The following COG5 variants were observed in gnomAD, a reference collection of about 807,000 sequenced individuals.
The protein encoded by COG5 is conserved oligomeric Golgi complex subunit 5.
A neutral mutation model predicts 110.4 loss-of-function variants in COG5; 86 were observed. The ratio of observed to expected loss-of-function variants is 0.78; its 90% CI spans 0.65 to 0.93. The LOEUF (loss-of-function observed/expected upper bound fraction) is 0.93, where lower values mean the gene tolerates loss of function less well. Among genes scored for constraint, COG5 ranks in the 40% least tolerant of loss-of-function variants. The pLI, the probability that COG5 is intolerant of heterozygous loss-of-function variation, is 0.00. For missense variants in COG5, 1,077 were observed against 987.0 expected (o/e 1.09, Z -1.22); for synonymous variants, 360 against 334.6 (o/e 1.08, Z -0.83).
At chr7:107,397,363 C>G (rs1791091769) in intron 7 of COG5, among the ~76,000 whole-genome samples, 1 of 152,136 alleles carries the variant, frequency 6.6e-6, no homozygotes, top group Non-Finnish European at 1.5e-5. Flanking sequence ...AAAAGAAAGG[C>G]CTGAATCCTT....
At chr7:107,273,074 A>G (rs1014064695) in intron 14 of COG5, among the ~76,000 whole-genome samples, 1 of 152,138 alleles carries the variant, frequency 6.6e-6, no homozygotes, top group Non-Finnish European at 1.5e-5. Flanking sequence ...CCCATTAATC[A>G]TGCCTCCCTT....
intron 10 of COG5, among the ~76,000 whole-genome samples, chr7:107,353,387 T>G (rs1174531880): frequency 7.6e-6 from 1 of 131,810 alleles, no homozygotes; most frequent in East Asian, 2.2e-4. Flanking sequence ...ATCCCGCCAC[T>G]GCACTCCAGC....
intron 2 of COG5, among the ~76,000 whole-genome samples, chr7:107,554,881 G>T (rs1803193777): frequency 6.6e-6 from 1 of 152,150 alleles, no homozygotes; most frequent in Non-Finnish European, 1.5e-5. Flanking sequence ...ACATATGAAT[G>T]TTAGGGGAAC....
intron 10 of COG5, among the ~76,000 whole-genome samples, chr7:107,357,057 T>C (rs1016085175): frequency 6.6e-6 from 1 of 152,170 alleles, no homozygotes; most frequent in African/African-American, 2.4e-5. Context: ...ATAAGCATTA[T>C]TATTTAGGGT....
chr7:107,506,518 G>C (rs1799018357), intron 6 of COG5, among the ~76,000 whole-genome samples: 1 of 152,164 alleles, frequency 6.6e-6, no homozygotes, highest in Non-Finnish European at 1.5e-5. Flanking sequence ...TTCCAGAGAG[G>C]TGTATTAACT....
At chr7:107,541,832 G>A (rs1168560292) in intron 5 of COG5, among the ~76,000 whole-genome samples, 1 of 151,194 alleles carries the variant, frequency 6.6e-6, no homozygotes, top group East Asian at 2.0e-4. Flanking sequence ...TCAGGAGGCT[G>A]AGGCAGAAGA....
chr7:107,288,583 T>A (rs1012687600), intron 12 of COG5, among the ~76,000 whole-genome samples: 1 of 152,118 alleles, frequency 6.6e-6, no homozygotes, highest in African/African-American at 2.4e-5. Context: ...TTCATGTGCT[T>A]ATTGGTCATC....
chr7:107,535,716 T>G (rs1458867375), intron 5 of COG5, among the ~76,000 whole-genome samples: 1 of 152,172 alleles, frequency 6.6e-6, no homozygotes, highest in Non-Finnish European at 1.5e-5. Flanking sequence ...ACAGCTGAAT[T>G]CTACTAGAGG....
chr7:107,312,294 C>T (rs994457803), intron 11 of COG5, among the ~76,000 whole-genome samples: 1 of 152,082 alleles, frequency 6.6e-6, no homozygotes, highest in African/African-American at 2.4e-5. Flanking sequence ...CTCAACAGAA[C>T]GTTATTTACT....
chr7:107,302,291 A>T (rs563148617), intron 11 of COG5, among the ~76,000 whole-genome samples: 9 of 152,206 alleles, frequency 5.9e-5, no homozygotes, highest in Non-Finnish European at 1.3e-4. Flanking sequence ...ATGCTAAATC[A>T]TTCAATTTGT....
chr7:107,420,594 G>C (rs1793215154), intron 6 of COG5, among the ~76,000 whole-genome samples: 1 of 152,146 alleles, frequency 6.6e-6, no homozygotes, highest in African/African-American at 2.4e-5. Context: ...CTGAGTAGCT[G>C]GGACTACAGG....
chr7:107,233,579 T>C (rs558039841), intron 18 of COG5, among the ~76,000 whole-genome samples: 2 of 152,330 alleles, frequency 1.3e-5, no homozygotes, highest in African/African-American at 4.8e-5. Flanking sequence ...ATAACTAGTA[T>C]TCCCAAACCT....
At chr7:107,402,447 A>G (rs1279190505) in intron 7 of COG5, among the ~76,000 whole-genome samples, 2 of 152,182 alleles carry the variant, frequency 1.3e-5, no homozygotes, top group African/African-American at 2.4e-5. Flanking sequence ...AAAGCTTCTA[A>G]TTCACAAGGT....
intron 11 of COG5, among the ~76,000 whole-genome samples, chr7:107,302,828 A>G (rs1414784305): frequency 2.0e-5 from 3 of 152,194 alleles, no homozygotes; most frequent in Non-Finnish European, 2.9e-5. Context: ...CTGTACATGC[A>G]CCATCCACAT....
chr7:107,474,500 C>A lies in COG5; in HGVS notation c.538+52737G>T. On this transcript the variant is annotated intron_variant, in intron 6 of 21. Coordinates refer to ENST00000297135, the MANE Select transcript of COG5 (RefSeq NM_006348.5). This position sits in a 1 kb window ranked among gnomAD's most constrained non-coding sequence, Gnocchi z 5.7. Reference sequence around the variant, plus strand: ...GACAGATATGACATCTCTGTAAAACCTGCAAACCGAATTCTGACAATGGGC... The same window carrying A: ...GACAGATATGACATCTCTGTAAAACATGCAAACCGAATTCTGACAATGGGC... 1.2e-6 allele frequency: 2 copies of A among 1,613,040 alleles called. No homozygotes were observed. The highest frequency in any genetic ancestry group is 1.7e-6 in the Non-Finnish European group (2 of 1,179,354).
At position 107,208,420 on chromosome 7, in the gene COG5, C is replaced by A. The variant is rs145546116; in HGVS notation, c.2375+2106G>T. On this transcript the variant is annotated intron_variant, in intron 21 of 21. Transcript: ENST00000297135. ...GCAGGACAACTGTTTTGGATGAACT[C>A]ATTCCAACTTGTTAAGACGACAAAA... 2.8e-5 allele frequency: 28 copies of A among 985,424 alleles called. No homozygotes were observed. The East Asian group carries it at 2.4e-3, about 84-fold the overall frequency. 61.0% of individuals were successfully genotyped at this position (985,424 alleles called of 1,614,324 possible).
chr7:107,457,108 A>C (rs1795709657), intron 6 of COG5, among the ~76,000 whole-genome samples: 1 of 152,226 alleles, frequency 6.6e-6, no homozygotes, highest in African/African-American at 2.4e-5. Context: ...AAAGATGACA[A>C]AATTACATGA....
At position 107,563,553 on chromosome 7, in the gene COG5, G is replaced by A. The variant is rs998782085; in HGVS notation, c.94+250C>T. 2.8e-5 allele frequency: 14 copies of A among 500,734 alleles called. 1 individual carries two copies. The highest frequency in any genetic ancestry group is 2.3e-4 in the Admixed American group (7 of 30,926). 31.0% of individuals were successfully genotyped at this position (500,734 alleles called of 1,614,324 possible). A position where few individuals can be genotyped will look rare whatever the true frequency, so the allele number is the denominator to read the frequency against. On this transcript the variant is annotated intron_variant, in intron 1 of 21. Transcript: ENST00000297135. ...AGGGAAGCTGGAGGCATGGGGGGGG[G>A]GGGGGTCGAGTTGAAATGAGGAACA...
At chr7:107,224,290 A>G (rs1430846064) in intron 19 of COG5, among the ~76,000 whole-genome samples, 5 of 152,214 alleles carry the variant, frequency 3.3e-5, no homozygotes, top group Admixed American at 1.3e-4. Flanking sequence ...TGGAATTTCA[A>G]TCAACAGAGG....
Sources: allele counts gnomAD v4.1 joint callset (sites outside exome capture counted in the v4.1 genomes callset), GRCh38; gene constraint gnomAD v4.1.1; non-coding constraint Gnocchi (gnomAD v3.1); transcripts MANE v1.5; gene names NCBI Gene and HGNC (gene_info 2026-07-23, HGNC 2026-07-21).